ASTE1: variants seen among roughly 807,000 people sequenced by gnomAD.
ASTE1 encodes the protein single-strand DNA endonuclease ASTE1.
Under a neutral mutation model 45.8 loss-of-function variants are expected in ASTE1, and 49 were observed. The ratio of observed to expected loss-of-function variants is 1.07; its 90% CI spans 0.85 to 1.36. ASTE1 has a LOEUF of 1.36. Among genes scored for constraint, ASTE1 ranks in the 40% most tolerant of loss-of-function variants. The pLI is 0.00. For missense variants in ASTE1, 709 were observed against 804.0 expected (o/e 0.88, Z 1.43); for synonymous variants, 296 against 303.9 (o/e 0.97, Z 0.27).
chr3:131,015,916 T>C, intron 5 of ASTE1: 1 of 655,192 alleles, frequency 1.5e-6, no homozygotes, highest in Non-Finnish European at 2.7e-6. Context: ...TTTTTTAAAA[T>C]TGGATTGAAT....
chr3:131,020,031 C>T (rs2063720837), intron 3 of ASTE1, among the ~76,000 whole-genome samples: 1 of 152,080 alleles, frequency 6.6e-6, no homozygotes, highest in African/African-American at 2.4e-5. Context: ...TAAGAAAATA[C>T]ACCAACTCTT....
chr3:131,023,402 T>A (rs1477739164), intron 3 of ASTE1, among the ~76,000 whole-genome samples: 2 of 152,176 alleles, frequency 1.3e-5, no homozygotes, highest in Non-Finnish European at 2.9e-5. Flanking sequence ...CATGAGAATT[T>A]TTTTCTCCTT....
chr3:131,022,656 A>C (rs1237048468), intron 3 of ASTE1, among the ~76,000 whole-genome samples: 1 of 152,016 alleles, frequency 6.6e-6, no homozygotes, highest in African/African-American at 2.4e-5. Context: ...AGCCATCACT[A>C]ATTCCAAAAC....
Position 131,017,969 on chromosome 3 carries a change from CAAAAAAAAA to C in ASTE1, c.1513+528_1513+536del, listed in dbSNP as rs10555602. On this transcript the variant is annotated intron_variant, in intron 4 of 5. Transcript: ENST00000264992. ...TAGGCAACAGAGTGAGACTCCATCTCAAAAAAAAAAAAAAAAAAAAAAAAAAAGGACAAA... is the reference window on the plus strand; with the variant it reads ...TAGGCAACAGAGTGAGACTCCATCTCAAAAAAAAAAAAAAAAAAGGACAAA... Among the ~76,000 whole-genome samples, 37 of 44,828 alleles carry C rather than the reference CAAAAAAAAA, an allele frequency of 8.3e-4. No individual in the cohort carries two copies. The East Asian group carries it at 0.016, about 20-fold the overall frequency. 29.4% of individuals were successfully genotyped at this position (44,828 alleles called of 152,430 possible).
intron 1 of ASTE1, chr3:131,026,040 A>T (rs2109114262): frequency 6.6e-6 from 1 of 152,366 alleles, no homozygotes; most frequent in Admixed American, 6.5e-5. Flanking sequence ...AACTCGCAGG[A>T]TCAGAATTGA....
At chr3:131,019,551 A>G (rs942954375) in intron 3 of ASTE1, among the ~76,000 whole-genome samples, 3 of 152,242 alleles carry the variant, frequency 2.0e-5, no homozygotes, top group Non-Finnish European at 4.4e-5. Context: ...AAGAACCAGA[A>G]TGGGGACCTT....
At chr3:131,017,596 A>C (rs1313448518) in intron 4 of ASTE1, among the ~76,000 whole-genome samples, 1 of 152,238 alleles carries the variant, frequency 6.6e-6, no homozygotes, top group Non-Finnish European at 1.5e-5. Flanking sequence ...AGGATATTCC[A>C]CTGAAGTATT....
chr3:131,015,974 G>T, intron 5 of ASTE1, 170 bp downstream of exon 5: 1 of 830,632 alleles, frequency 1.2e-6, no homozygotes, highest in Non-Finnish European at 2.0e-6. Context: ...TATTTTTCCC[G>T]TTTCCAGCTC....
At chr3:131,023,747 C>T (rs61066028) in intron 3 of ASTE1, among the ~76,000 whole-genome samples, 79 of 151,744 alleles carry the variant, frequency 5.2e-4, no homozygotes, top group African/African-American at 1.8e-3. Context: ...ATAACTGTGA[C>T]GATAACACAG....
rs1169281638 is a variant in ASTE1, at chr3:131,025,010, C to T, written c.297G>A (p.Lys99=). 5.6e-6 allele frequency: 9 copies of T among 1,598,516 alleles called. No homozygotes were observed. Among genetic ancestry groups the T allele is most frequent in the Non-Finnish European group, 7.7e-6 (9 of 1,171,880 alleles). Residue 99 remains lysine, a synonymous_variant, in exon 3 of 6, where the codon AAG becomes AAA. Transcript: ENST00000264992. The part of the protein sequence containing the change: ...LTTLKDRARE[K]IQMAHSLSVG... Reference sequence around the variant, plus strand: ...CAGAAAGGGAATGGGCCATCTGGATCTTCTCTCTAGCTCTATCCTTTAAAG... The same window carrying T: ...CAGAAAGGGAATGGGCCATCTGGATTTTCTCTCTAGCTCTATCCTTTAAAG...
At chr3:131,022,805 A>C (rs1560062626) in intron 3 of ASTE1, among the ~76,000 whole-genome samples, 3 of 152,114 alleles carry the variant, frequency 2.0e-5, no homozygotes, top group Non-Finnish European at 4.4e-5. Flanking sequence ...CTCCTGTCTG[A>C]GATGTGACTG....
chr3:131,018,745 G>A (rs1342205682), intron 3 of ASTE1, 29 bp from the exon 4 acceptor site: 4 of 1,602,314 alleles, frequency 2.5e-6, no homozygotes, highest in East Asian at 4.5e-5. Flanking sequence ...TATCCTGCAA[G>A]TTACTTTGGG....
rs1344811134 is a variant in ASTE1 at position 131,015,224 on chromosome 3, A to T, written c.1710-837T>A. 7.1e-6 allele frequency: 5 copies of T among 702,294 alleles called. No homozygotes were observed. The African/African-American group carries it at 8.7e-5, about 12-fold the overall frequency. 43.5% of individuals were successfully genotyped at this position (702,294 alleles called of 1,614,324 possible). A position where few individuals can be genotyped will look rare whatever the true frequency, so the allele number is the denominator to read the frequency against. ...CCCACCATATTTTGTATGCGTCCAT[A>T]TATCCTCATTCAAAGTATTGAAGGC... On this transcript the variant is annotated intron_variant, in intron 5 of 5. Transcript: ENST00000264992.
chr3:131,016,054 T>A (rs1261097266), intron 5 of ASTE1, 90 bp downstream of exon 5: 10 of 1,486,048 alleles, frequency 6.7e-6, no homozygotes, highest in Admixed American at 2.0e-5. Context: ...TTTTTTTTTT[T>A]AAGTAACTTT....
At position 131,020,402 on chromosome 3, in the gene ASTE1, C is replaced by T. The variant is rs952931488; in HGVS notation, c.1303-1686G>A. Reference sequence around the variant, plus strand: ...GCAGCTGCCCCGAGAGGCAGAGATGCCCAGAGAGAGACTGGTCTTGGCTGC... The same window carrying T: ...GCAGCTGCCCCGAGAGGCAGAGATGTCCAGAGAGAGACTGGTCTTGGCTGC... On this transcript the variant is annotated intron_variant, in intron 3 of 5. Coordinates refer to ENST00000264992, the MANE Select transcript of ASTE1 (RefSeq NM_014065.4). Among the ~76,000 whole-genome samples, 3 of 152,170 alleles carry T rather than the reference C, an allele frequency of 2.0e-5. No homozygotes were observed. In the East Asian group the frequency reaches 5.8e-4, roughly 29 times the overall value.
chr3:131,016,151 G>C lies in ASTE1; in HGVS notation c.1702C>G (p.Leu568Val), dbSNP rs2063624119. Residue 568 changes from leucine to valine, a missense_variant, in exon 5 of 6, where the codon CTA becomes GTA. By Grantham distance (32) the Leu-to-Val change is conservative. Coordinates refer to ENST00000264992, the MANE Select transcript of ASTE1 (RefSeq NM_014065.4). ...LLSTPLPEPD[L>V]TRLYSGSLVH... is the part of the protein sequence containing the mutation. ...GTTTCCCATGGTGCTTACCGAGTTA[G>C]GTCTGGCTCTGGGAGAGGAGTGGAC... The C allele has an allele frequency of 4.3e-6, 7 of 1,613,768 alleles. No individual in the cohort carries two copies. Among genetic ancestry groups the C allele is most frequent in the Non-Finnish European group, 5.1e-6 (6 of 1,180,002 alleles).
In ASTE1 at chr3:131,024,751, T is replaced by C. The variant is rs375594244; in HGVS notation, c.556A>G (p.Ile186Val). Reference sequence around the variant, plus strand: ...GGGATATAGTTTTGTGTGCCCTTAATAGTGTTCATATTTCTCCACTGAAAG... The same window carrying C: ...GGGATATAGTTTTGTGTGCCCTTAACAGTGTTCATATTTCTCCACTGAAAG... ...NSFQWRNMNTIKGTQNYIPAK... is the reference protein window; with the variant it reads ...NSFQWRNMNTVKGTQNYIPAK... Residue 186 changes from isoleucine to valine, a missense_variant, in exon 3 of 6, where the codon ATT becomes GTT. Transcript: ENST00000264992. 1.9e-6 allele frequency: 3 copies of C among 1,613,508 alleles called. No individual in the cohort carries two copies. The highest frequency in any genetic ancestry group is 2.5e-6 in the Non-Finnish European group (3 of 1,179,696).
intron 4 of ASTE1, 31 bp from the exon 5 acceptor site, chr3:131,016,370 T>C: frequency 2.5e-6 from 4 of 1,612,302 alleles, no homozygotes; most frequent in Non-Finnish European, 3.4e-6. Context: ...AGGGCAGTAT[T>C]TCTAAAAGCA....
In ASTE1 at chr3:131,016,338, A is replaced by G. The variant is rs768739321; in HGVS notation, c.1515T>C (p.Gly505=). The change falls in exon 5 of 6, where the codon GGT becomes GGC. Residue 505 remains glycine, a splice_region_variant and synonymous_variant. Coordinates refer to ENST00000264992, the MANE Select transcript of ASTE1 (RefSeq NM_014065.4). ...GPLIAIINSP[G]KEELQEDGAK... ...CACCATCTTCCTGCAGCTCTTCCTT[A>G]CCTAAATAAAGAAACAGCCCAAGGG... The G allele has an allele frequency of 6.2e-7, 1 of 1,614,192 alleles. No individual in the cohort carries two copies. Among genetic ancestry groups the G allele is most frequent in the Non-Finnish European group, 8.5e-7 (1 of 1,180,032 alleles).
Sources: allele counts gnomAD v4.1 joint callset (sites outside exome capture counted in the v4.1 genomes callset), GRCh38; gene constraint gnomAD v4.1.1; transcripts MANE v1.5; gene names NCBI Gene and HGNC (gene_info 2026-07-23, HGNC 2026-07-21).